The following HPSE variants were observed in gnomAD, a reference collection of about 807,000 sequenced individuals.
The protein encoded by HPSE is endo-glucoronidase.
HPSE carries 48 observed loss-of-function variants against 65.1 expected under a neutral mutation model. The ratio of observed to expected loss-of-function variants is 0.74; its 90% CI spans 0.58 to 0.94. The LOEUF (loss-of-function observed/expected upper bound fraction) is 0.94. Ranked by LOEUF, HPSE falls within the 40% of genes least tolerant of loss-of-function variation. The pLI, the probability that HPSE is intolerant of heterozygous loss-of-function variation, is 0.00. For synonymous variants in HPSE, 243 were observed against 260.0 expected, an observed-to-expected ratio of 0.93 and a Z score of 0.63; for missense variants, 644 against 637.5, an observed-to-expected ratio of 1.01 and a Z score of -0.11.
rs1325956497 is a variant in HPSE, at chr4:83,293,119, G to T, written c.*2225C>A. 1 of 152,182 alleles carries T rather than the reference G, an allele frequency of 6.6e-6. No homozygotes were observed. The highest frequency in any genetic ancestry group is 1.9e-4 in the East Asian group (1 of 5,206). 9.4% of individuals were successfully genotyped at this position (152,182 alleles called of 1,614,324 possible). On this transcript the variant is annotated 3_prime_UTR_variant, in exon 12 of 12. Coordinates refer to ENST00000311412, the MANE Select transcript of HPSE (RefSeq NM_001098540.3). The stretch of plus-strand genomic sequence containing the variant: ...TTTCACTGGTAAAAAGCGCAGAACT[G>T]CAGTGTTCAGTTTGTAGACTGACCA...
At chr4:83,317,316 A>G (rs1217235890) in intron 3 of HPSE, among the ~76,000 whole-genome samples, 1 of 152,200 alleles carries the variant, frequency 6.6e-6, no homozygotes, top group Non-Finnish European at 1.5e-5. Context: ...AGCCATTACC[A>G]GTCTCAGCCA....
In HPSE at chr4:83,294,236, T is replaced by A. The variant is rs1735646189; in HGVS notation, c.*1108A>T. ...GGACCACACCCAGCTAATTTTTGTA[T>A]TTTTTAGTAGAGATGGGGTTTCACC... On this transcript the variant is annotated 3_prime_UTR_variant, in exon 12 of 12. Coordinates refer to ENST00000311412, the MANE Select transcript of HPSE (RefSeq NM_001098540.3). 1 of 152,126 alleles carries A rather than the reference T, an allele frequency of 6.6e-6. No individual in the cohort carries two copies. Among genetic ancestry groups the A allele is most frequent in the Non-Finnish European group, 1.5e-5 (1 of 68,044 alleles). 9.4% of individuals were successfully genotyped at this position (152,126 alleles called of 1,614,324 possible).
At chr4:83,328,390 ACAT>A (rs1275140273) in intron 1 of HPSE, among the ~76,000 whole-genome samples, 1 of 152,106 alleles carries the variant, frequency 6.6e-6, no homozygotes, top group Non-Finnish European at 1.5e-5. Context: ...TGTTATAAGG[ACAT>A]CAGTCATATT....
chr4:83,305,332 CAA>C (rs1736109824), intron 9 of HPSE, among the ~76,000 whole-genome samples: 2 of 152,114 alleles, frequency 1.3e-5, no homozygotes, highest in African/African-American at 4.8e-5. Context: ...TCCATTTTTG[CAA>C]GATCACTTTT....
At position 83,295,210 on chromosome 4, in the gene HPSE, A is replaced by G. The variant is rs1399465467; in HGVS notation, c.*134T>C. On this transcript the variant is annotated 3_prime_UTR_variant, in exon 12 of 12. Transcript: ENST00000311412. ...ATCAAAATACTGTGCTAAATCTAGC[A>G]CTGACAGTGTCCCAGTGTCTCTCAA... 15 of 629,544 alleles carry G rather than the reference A, an allele frequency of 2.4e-5. No individual in the cohort carries two copies. Among genetic ancestry groups the G allele is most frequent in the Non-Finnish European group, 4.1e-5 (15 of 363,988 alleles). The allele number at this position is 629,544 out of a possible 1,614,324, so 39.0% of individuals were successfully genotyped here.
intron 4 of HPSE, 32 bp from the exon 5 acceptor site, chr4:83,310,922 G>A (rs1042013152): frequency 9.1e-6 from 14 of 1,533,990 alleles, no homozygotes; most frequent in South Asian, 3.5e-5. Context: ...AATATATATC[G>A]AGAAATGTTG....
At chr4:83,324,981 AG>A (rs1737085652) in intron 1 of HPSE, among the ~76,000 whole-genome samples, 1 of 152,258 alleles carries the variant, frequency 6.6e-6, no homozygotes, top group Non-Finnish European at 1.5e-5. Flanking sequence ...TAACAATAAA[AG>A]AATATATATT....
At chr4:83,301,268 C>G (rs79118412) in intron 10 of HPSE, among the ~76,000 whole-genome samples, 162 bp from the exon 11 acceptor site, 3,609 of 152,186 alleles carry the variant, frequency 0.024, 146 homozygotes, top group African/African-American at 0.081. Context: ...TAGTATCCTT[C>G]TTTTATGATC....
In HPSE at chr4:83,300,001, C is replaced by A. The variant is rs139207252; in HGVS notation, c.1472+959G>T. Among the ~76,000 whole-genome samples the A allele has an allele frequency of 1.6e-3, 250 of 152,308 alleles. 1 individual carries two copies. The highest frequency in any genetic ancestry group is 2.7e-3 in the Non-Finnish European group (184 of 68,022). ...TACAGGCATGAGCCACTGCGCCAAG[C>A]CTGTAAACTCTTTTTATGCTCCAAT... On this transcript the variant is annotated intron_variant, in intron 11 of 11. Coordinates refer to ENST00000311412, the MANE Select transcript of HPSE (RefSeq NM_001098540.3).
At chr4:83,329,479 A>C (rs1373600666) in intron 1 of HPSE, among the ~76,000 whole-genome samples, 1 of 152,166 alleles carries the variant, frequency 6.6e-6, no homozygotes, top group East Asian at 1.9e-4. Flanking sequence ...AAGTAGAGAG[A>C]GGAAGAAGCT....
intron 1 of HPSE, among the ~76,000 whole-genome samples, chr4:83,332,940 C>T (rs1737448902): frequency 6.6e-6 from 1 of 152,002 alleles, no homozygotes; most frequent in Non-Finnish European, 1.5e-5. Context: ...ACCCCACACC[C>T]CAGCAAGCTA....
chr4:83,320,721 G>A (rs1368030482), intron 2 of HPSE, among the ~76,000 whole-genome samples: 1 of 152,168 alleles, frequency 6.6e-6, no homozygotes, highest in East Asian at 1.9e-4. Flanking sequence ...ACTCGCTGGC[G>A]GCTGGTGCCT....
chr4:83,322,574 C>A (rs1736954066), intron 1 of HPSE, among the ~76,000 whole-genome samples: 1 of 152,032 alleles, frequency 6.6e-6, no homozygotes, highest in African/African-American at 2.4e-5. Flanking sequence ...TTCACTGCAA[C>A]TTCTGCTTGC....
rs550733276 is a variant in HPSE at position 83,304,540 on chromosome 4, G to A, written c.1206+1663C>T. On this transcript the variant is annotated intron_variant, in intron 9 of 11. Transcript: ENST00000311412. Reference sequence around the variant, plus strand: ...GTAAAAGTTTTTCTTAAAAAACTGCGGATCGGTGGTGGGCACAATGGTTCA... The same window carrying A: ...GTAAAAGTTTTTCTTAAAAAACTGCAGATCGGTGGTGGGCACAATGGTTCA... Among the ~76,000 whole-genome samples, 13 of 143,182 alleles carry A rather than the reference G, an allele frequency of 9.1e-5. No homozygotes were observed. In the East Asian group the frequency reaches 1.6e-3, roughly 17 times the overall value. 93.9% of individuals were successfully genotyped at this position (143,182 alleles called of 152,430 possible).
intron 2 of HPSE, 23 bp downstream of exon 2, chr4:83,322,196 A>G: frequency 6.2e-7 from 1 of 1,600,004 alleles, no homozygotes; most frequent in Non-Finnish European, 8.6e-7. Context: ...TAAAATATAG[A>G]GTGAATCTTT....
At chr4:83,331,190 G>C (rs764170662) in intron 1 of HPSE, among the ~76,000 whole-genome samples, 2 of 151,716 alleles carry the variant, frequency 1.3e-5, no homozygotes, top group Non-Finnish European at 2.9e-5. Context: ...GGTGACAAGA[G>C]CAAAATTGTC....
At position 83,306,329 on chromosome 4, in the gene HPSE, C is replaced by A. The variant is rs762834784; in HGVS notation, c.1092-12G>T. On this transcript the variant is annotated splice_polypyrimidine_tract_variant and intron_variant, in intron 8 of 11. Transcript: ENST00000311412. ...ATTTATCCAGCCACCTGGGACAGAG[C>A]AAGACCAAGCTTTCTTGAGGTTTGG... 3.4e-6 allele frequency: 5 copies of A among 1,464,532 alleles called. No homozygotes were observed. Among genetic ancestry groups the A allele is most frequent in the Admixed American group, 1.7e-5 (1 of 58,894 alleles). 90.7% of individuals were successfully genotyped at this position (1,464,532 alleles called of 1,614,324 possible).
At chr4:83,308,714 G>A in intron 8 of HPSE, 131 bp downstream of exon 8, 1 of 671,682 alleles carries the variant, frequency 1.5e-6, no homozygotes, top group Non-Finnish European at 2.7e-6. Flanking sequence ...TGCAAAATCT[G>A]GCATGAATTT....
rs1161975168 is a variant in HPSE, at chr4:83,326,402, T to C, written c.228-4038A>G. Among the ~76,000 whole-genome samples the C allele has an allele frequency of 6.6e-6, 1 of 152,114 alleles. No individual in the cohort carries two copies. On this transcript the variant is annotated intron_variant, in intron 1 of 11. Transcript: ENST00000311412. The surrounding 1 kb of genome is among the most constrained non-coding windows in gnomAD (Gnocchi z 4.2). ...TGGATGTTGAGGAGGAGTCAAGGAT[T>C]ACTCCTGGGAAGCTCCTTGGAAGAT... is the stretch of plus-strand genomic sequence containing the variant.
Sources: gnomAD v4.1 joint callset for allele counts (sites outside exome capture counted in the v4.1 genomes callset) on GRCh38, gnomAD v4.1.1 for gene constraint, Gnocchi (gnomAD v3.1) non-coding constraint, MANE v1.5 for transcripts, NCBI Gene and HGNC (gene_info 2026-07-23, HGNC 2026-07-21) for gene names.